Variants in COMMD10 observed in about 807,000 individuals in gnomAD.
COMMD10 encodes COMM domain-containing protein 10.
In COMMD10, 33 loss-of-function variants were observed where a neutral mutation model predicts 28.9. The ratio of observed to expected loss-of-function variants is 1.14; its 90% CI spans 0.87 to 1.53. The LOEUF (loss-of-function observed/expected upper bound fraction) is 1.53, where lower values mean the gene tolerates loss of function less well. Among genes scored for constraint, COMMD10 ranks in the 40% most tolerant of loss-of-function variants. The probability of loss-of-function intolerance (pLI) is 0.00; values close to 1 mark genes in which losing one functional copy is unlikely to be tolerated. For missense variants in COMMD10, 310 were observed against 233.4 expected (o/e 1.33, Z -2.14); for synonymous variants, 110 against 81.7 (o/e 1.35, Z -1.87).
At chr5:116,270,103 G>A (rs1383305095) in intron 5 of COMMD10, among the ~76,000 whole-genome samples, 1 of 151,674 alleles carries the variant, frequency 6.6e-6, no homozygotes, top group Non-Finnish European at 1.5e-5. Context: ...TGAGTATTTT[G>A]TCCATTGTTT....
At chr5:116,282,509 ATC>A (rs2112709558) in intron 5 of COMMD10, among the ~76,000 whole-genome samples, 2 of 151,972 alleles carry the variant, frequency 1.3e-5, no homozygotes, top group South Asian at 4.2e-4. Flanking sequence ...TATGATAAAG[ATC>A]TCTTTTATCT....
intron 4 of COMMD10, among the ~76,000 whole-genome samples, chr5:116,102,211 A>G (rs2112723826): frequency 6.6e-6 from 1 of 152,274 alleles, no homozygotes; most frequent in South Asian, 2.1e-4. Context: ...AAGTCTCTTA[A>G]TTCATCTTGA....
intron 5 of COMMD10, among the ~76,000 whole-genome samples, chr5:116,212,543 A>G (rs879387824): frequency 3.9e-5 from 1 of 25,578 alleles, no homozygotes; most frequent in African/African-American, 7.4e-5. Flanking sequence ...GGGGGGTTGG[A>G]TAGGTTCATG....
At chr5:116,090,000 A>T (rs1012243742) in intron 2 of COMMD10, among the ~76,000 whole-genome samples, 14 of 152,174 alleles carry the variant, frequency 9.2e-5, no homozygotes, top group Admixed American at 3.9e-4. Context: ...AGTGAAACTG[A>T]GGCAGGCAGA....
intron 5 of COMMD10, among the ~76,000 whole-genome samples, chr5:116,273,918 A>C (rs1338787418): frequency 6.6e-6 from 1 of 151,722 alleles, no homozygotes; most frequent in Non-Finnish European, 1.5e-5. Context: ...TACTTTTTTT[A>C]AAGTATCTTA....
intron 5 of COMMD10, among the ~76,000 whole-genome samples, chr5:116,201,757 C>T (rs957535256): frequency 2.0e-5 from 3 of 152,030 alleles, no homozygotes; most frequent in South Asian, 2.1e-4. Flanking sequence ...AAGAAGTTGT[C>T]GTTGGGTTTC....
At chr5:116,096,389 A>G (rs1027949340) in intron 4 of COMMD10, among the ~76,000 whole-genome samples, 7 of 151,302 alleles carry the variant, frequency 4.6e-5, no homozygotes, top group Admixed American at 6.6e-5. Flanking sequence ...TTGTTTTCCA[A>G]TGGCTTATTG....
chr5:116,116,606 A>G (rs932154603), intron 4 of COMMD10, among the ~76,000 whole-genome samples: 2 of 151,964 alleles, frequency 1.3e-5, no homozygotes, highest in African/African-American at 4.8e-5. Flanking sequence ...GGTTTTCTGT[A>G]TGCTTAAATT....
chr5:116,085,803 C>G (rs895988616), intron 1 of COMMD10, among the ~76,000 whole-genome samples: 1 of 152,124 alleles, frequency 6.6e-6, no homozygotes, highest in Non-Finnish European at 1.5e-5. Flanking sequence ...AGTATATAGG[C>G]AAAATAGTGT....
At chr5:116,102,049 A>C (rs1561600931) in intron 4 of COMMD10, among the ~76,000 whole-genome samples, 2 of 152,064 alleles carry the variant, frequency 1.3e-5, no homozygotes, top group African/African-American at 2.4e-5. Flanking sequence ...TCCTGGGCAA[A>C]TCTTCTTAGT....
At chr5:116,217,574 G>A (rs886094416) in intron 5 of COMMD10, among the ~76,000 whole-genome samples, 8 of 152,168 alleles carry the variant, frequency 5.3e-5, no homozygotes, top group African/African-American at 1.2e-4. Context: ...GTGGCATCCC[G>A]GAAAAGTCCA....
intron 5 of COMMD10, among the ~76,000 whole-genome samples, chr5:116,246,179 A>G (rs373685725): frequency 1.3e-5 from 2 of 152,266 alleles, no homozygotes; most frequent in South Asian, 2.1e-4. Context: ...TAGGATTCCT[A>G]TACATCAACA....
intron 3 of COMMD10, 91 bp from the exon 4 acceptor site, chr5:116,092,454 A>C: frequency 1.1e-6 from 1 of 884,016 alleles, no homozygotes; most frequent in Non-Finnish European, 1.6e-6. Flanking sequence ...TTTTGACTTA[A>C]GTCATTTAAA....
chr5:116,253,936 C>G (rs181467189), intron 5 of COMMD10, among the ~76,000 whole-genome samples: 1 of 151,658 alleles, frequency 6.6e-6, no homozygotes, highest in African/African-American at 2.4e-5. Flanking sequence ...CTGGACTCTT[C>G]TTGGTTGGTA....
chr5:116,094,448 A>G (rs1055823885), intron 4 of COMMD10, among the ~76,000 whole-genome samples: 2 of 152,218 alleles, frequency 1.3e-5, no homozygotes, highest in South Asian at 2.1e-4. Context: ...AGAGAAATGC[A>G]AGTCAAAACC....
intron 5 of COMMD10, among the ~76,000 whole-genome samples, chr5:116,272,734 A>T (rs891294783): frequency 6.6e-5 from 10 of 151,868 alleles, no homozygotes; most frequent in African/African-American, 2.4e-4. Flanking sequence ...TCTGCAGTTG[A>T]TCTGGGTGTT....
At chr5:116,250,717 G>A (rs527488505) in intron 5 of COMMD10, among the ~76,000 whole-genome samples, 1 of 152,030 alleles carries the variant, frequency 6.6e-6, no homozygotes, top group Non-Finnish European at 1.5e-5. Flanking sequence ...GGAGGGAACT[G>A]ATCAGCCTGC....
chr5:116,105,309 G>A (rs781353526), intron 4 of COMMD10, among the ~76,000 whole-genome samples: 8 of 152,128 alleles, frequency 5.3e-5, no homozygotes, highest in African/African-American at 2.4e-5. Context: ...GGATGAAGCC[G>A]ACTTGATCAT....
chr5:116,239,088 CAG>C (rs1180699706), intron 5 of COMMD10, among the ~76,000 whole-genome samples: 1 of 152,070 alleles, frequency 6.6e-6, no homozygotes, highest in Non-Finnish European at 1.5e-5. Flanking sequence ...TTTAATTAAA[CAG>C]AGAACAGCAA....
Sources: allele counts gnomAD v4.1 joint callset (sites outside exome capture counted in the v4.1 genomes callset), GRCh38; gene constraint gnomAD v4.1.1; transcripts MANE v1.5; gene names NCBI Gene and HGNC (gene_info 2026-07-23, HGNC 2026-07-21).